CD96: variants seen among roughly 807,000 people sequenced by gnomAD.
The protein encoded by CD96 is T-cell surface protein tactile.
Under a neutral mutation model 71.3 loss-of-function variants are expected in CD96, and 70 were observed. The ratio of observed to expected loss-of-function variants is 0.98; its 90% CI spans 0.81 to 1.20. The LOEUF is 1.20. Ranked by LOEUF, CD96 falls within the 50% of genes most tolerant of loss-of-function variation. The probability of loss-of-function intolerance (pLI) is 0.00; values close to 1 mark genes in which losing one functional copy is unlikely to be tolerated. For synonymous variants in CD96, 248 were observed against 233.0 expected, an observed-to-expected ratio of 1.06 and a Z score of -0.59; for missense variants, 742 against 677.5, an observed-to-expected ratio of 1.10 and a Z score of -1.06.
intron 2 of CD96, among the ~76,000 whole-genome samples, chr3:111,564,829 C>T (rs141263722): frequency 3.9e-5 from 6 of 152,182 alleles, no homozygotes; most frequent in Non-Finnish European, 5.9e-5. Flanking sequence ...TCCCTAAAGC[C>T]GCCTCTTCTG....
Position 111,607,233 on chromosome 3 carries a change from C to T in CD96, c.1180+441C>T, listed in dbSNP as rs191716745. ...AGGTTAATAAATGACAGTCATTCTCCAAAACAATGTTCTCAGTGGGGAGTT... is the reference window on the plus strand; with the variant it reads ...AGGTTAATAAATGACAGTCATTCTCTAAAACAATGTTCTCAGTGGGGAGTT... On this transcript the variant is annotated intron_variant, in intron 8 of 13. Transcript: ENST00000352690. Among the ~76,000 whole-genome samples, 347 of 152,130 alleles carry T rather than the reference C, an allele frequency of 2.3e-3. 2 individuals carry two copies. The highest frequency in any genetic ancestry group is 7.9e-3 in the South Asian group (38 of 4,796).
intron 4 of CD96, among the ~76,000 whole-genome samples, chr3:111,581,546 G>A (rs78524162): frequency 4.3e-4 from 65 of 152,230 alleles, no homozygotes; most frequent in African/African-American, 1.4e-3. Flanking sequence ...GGACAAGAGG[G>A]GCTACTCCAG....
intron 3 of CD96, among the ~76,000 whole-genome samples, chr3:111,578,364 A>G (rs1936315755): frequency 6.6e-6 from 1 of 152,230 alleles, no homozygotes; most frequent in Non-Finnish European, 1.5e-5. Context: ...TAACATTTTC[A>G]GGCTACTCTT....
chr3:111,580,387 T>C (rs1274109880), intron 4 of CD96, among the ~76,000 whole-genome samples: 1 of 152,200 alleles, frequency 6.6e-6, no homozygotes, highest in Non-Finnish European at 1.5e-5. Flanking sequence ...TTTCATTTTT[T>C]GTGACAAAGA....
At chr3:111,649,340 G>C (rs762713149) in intron 13 of CD96, among the ~76,000 whole-genome samples, 4 of 152,148 alleles carry the variant, frequency 2.6e-5, no homozygotes, top group Non-Finnish European at 5.9e-5. Flanking sequence ...GAATGGTGAT[G>C]CATTTCCTGC....
At chr3:111,562,546 C>G (rs1236337302) in intron 2 of CD96, among the ~76,000 whole-genome samples, 1 of 152,070 alleles carries the variant, frequency 6.6e-6, no homozygotes, top group Non-Finnish European at 1.5e-5. Flanking sequence ...GATTTTTATA[C>G]TAATAGTTAT....
At chr3:111,561,681 C>T (rs1280694077) in intron 2 of CD96, among the ~76,000 whole-genome samples, 3 of 137,062 alleles carry the variant, frequency 2.2e-5, no homozygotes, top group East Asian at 4.3e-4. Flanking sequence ...TGCCCTGCCC[C>T]CAGAGGTGGA....
At position 111,664,300 on chromosome 3, in the gene CD96, A is replaced by G. The variant is rs528607184; in HGVS notation, c.*53-1227A>G. Among the ~76,000 whole-genome samples the G allele has an allele frequency of 4.6e-5, 7 of 152,354 alleles. No individual in the cohort carries two copies. The South Asian group carries it at 1.5e-3, about 32-fold the overall frequency. On this transcript the variant is annotated intron_variant and NMD_transcript_variant, in intron 14 of 14. Coordinates refer to the CD96 transcript ENST00000494798. Reference sequence around the variant, plus strand: ...GTGGACTGGAAAAAAAATGTGGTACATATACACTGTGGAATACTATGCAGC... The same window carrying G: ...GTGGACTGGAAAAAAAATGTGGTACGTATACACTGTGGAATACTATGCAGC...
chr3:111,625,858 A>G (rs1300753863), intron 10 of CD96, among the ~76,000 whole-genome samples: 1 of 152,228 alleles, frequency 6.6e-6, no homozygotes, highest in Non-Finnish European at 1.5e-5. Flanking sequence ...CATATAATTG[A>G]AAATGAATCA....
intron 2 of CD96, among the ~76,000 whole-genome samples, chr3:111,547,768 A>C (rs1934487500): frequency 6.6e-6 from 1 of 152,202 alleles, no homozygotes; most frequent in African/African-American, 2.4e-5. Context: ...CATCTGGATC[A>C]GATGAAAAGC....
intron 5 of CD96, chr3:111,593,999 G>A (rs1287540772): frequency 1.2e-6 from 2 of 1,614,172 alleles, no homozygotes; most frequent in South Asian, 2.2e-5. Context: ...ATGGTGCCCA[G>A]CACGAGCAGG....
chr3:111,647,587 A>G lies in CD96; in HGVS notation c.1522A>G (p.Ile508Val), dbSNP rs1249645296. Residue 508 changes from isoleucine to valine, a missense_variant, in exon 13 of 14, where the codon ATT (isoleucine) becomes GTT (valine). Transcript: ENST00000352690. ...KPKDGMSWPV[I>V]VAALLFCCMI... The stretch of plus-strand genomic sequence containing the variant: ...CAAAGATGGAATGTCCTGGCCAGTG[A>G]TTGTAGCAGCTTTACTCTTTTGCTG... 1.2e-6 allele frequency: 2 copies of G among 1,611,590 alleles called. No homozygotes were observed. The highest frequency in any genetic ancestry group is 2.7e-5 in the African/African-American group (2 of 74,884).
chr3:111,583,153 G>A (rs1936546731), intron 4 of CD96, among the ~76,000 whole-genome samples: 1 of 152,130 alleles, frequency 6.6e-6, no homozygotes, highest in African/African-American at 2.4e-5. Context: ...CAAAACAAAG[G>A]GGCTGCAGGC....
intron 12 of CD96, among the ~76,000 whole-genome samples, chr3:111,639,172 G>A (rs750709891): frequency 2.7e-4 from 41 of 152,282 alleles, no homozygotes; most frequent in Non-Finnish European, 3.8e-4. Context: ...GAAGCAGACA[G>A]CCTCTGTAGC....
intron 3 of CD96, chr3:111,570,911 A>G: frequency 3.1e-6 from 5 of 1,588,756 alleles, no homozygotes; most frequent in Non-Finnish European, 4.3e-6. Flanking sequence ...TTTCCTGCTC[A>G]GTGCATGAGG....
chr3:111,597,184 T>C (rs1003629569), intron 5 of CD96, among the ~76,000 whole-genome samples: 8 of 152,208 alleles, frequency 5.3e-5, no homozygotes, highest in Admixed American at 2.6e-4. Flanking sequence ...TGGTCATATG[T>C]AAAATATATA....
intron 4 of CD96, among the ~76,000 whole-genome samples, chr3:111,584,865 C>T (rs144361100): frequency 6.6e-6 from 1 of 152,132 alleles, no homozygotes; most frequent in Non-Finnish European, 1.5e-5. Flanking sequence ...TTTTCTCTCC[C>T]TCCCCACCAC....
chr3:111,586,592 A>T (rs921098161), intron 5 of CD96, among the ~76,000 whole-genome samples: 5 of 152,234 alleles, frequency 3.3e-5, no homozygotes. Flanking sequence ...ACAGTTGCAC[A>T]TAGCTGGGGA....
chr3:111,571,761 G>T (rs1293200770), intron 3 of CD96, among the ~76,000 whole-genome samples: 5 of 152,168 alleles, frequency 3.3e-5, no homozygotes, highest in Non-Finnish European at 7.3e-5. Context: ...AAATCTATTT[G>T]CTCCTCTCAT....
Sources: allele counts gnomAD v4.1 joint callset (sites outside exome capture counted in the v4.1 genomes callset), GRCh38; gene constraint gnomAD v4.1.1; transcripts MANE v1.5; gene names NCBI Gene and HGNC (gene_info 2026-07-23, HGNC 2026-07-21).